CREB5: variants seen among roughly 807,000 people sequenced by gnomAD.
CREB5 encodes the protein cyclic AMP-responsive element-binding protein 5.
Under a neutral mutation model 57.1 loss-of-function variants are expected in CREB5, and 19 were observed. The ratio of observed to expected loss-of-function variants is 0.33; its 90% confidence interval spans 0.23 to 0.49. The LOEUF (loss-of-function observed/expected upper bound fraction) is 0.49. CREB5 is among the 20% of genes least tolerant of loss of function. The probability of loss-of-function intolerance (pLI) is 0.99; values close to 1 mark genes in which losing one functional copy is unlikely to be tolerated. For synonymous variants in CREB5, 238 were observed against 238.3 expected, an observed-to-expected ratio of 1.00 and a Z score of 0.01; for missense variants, 579 against 671.6, an observed-to-expected ratio of 0.86 and a Z score of 1.52.
chr7:28,368,446 T>G (rs193048282), intron 1 of CREB5, among the ~76,000 whole-genome samples: 2 of 152,328 alleles, frequency 1.3e-5, no homozygotes, highest in African/African-American at 4.8e-5. Context: ...GGGTCTGAAG[T>G]GCTCTGTGGT....
At chr7:28,695,836 A>G (rs1028506255) in intron 5 of CREB5, among the ~76,000 whole-genome samples, 4 of 152,140 alleles carry the variant, frequency 2.6e-5, no homozygotes, top group African/African-American at 4.8e-5. Context: ...CACCTAGGGA[A>G]CAGTTTTAGA....
intron 7 of CREB5, among the ~76,000 whole-genome samples, chr7:28,736,030 C>A (rs1239171045): frequency 6.6e-6 from 1 of 152,036 alleles, no homozygotes; most frequent in African/African-American, 2.4e-5. Flanking sequence ...AACTCCTGGC[C>A]TCAAGCGATC....
chr7:28,577,682 C>A (rs902730835), intron 5 of CREB5, among the ~76,000 whole-genome samples: 43 of 152,350 alleles, frequency 2.8e-4, no homozygotes, highest in African/African-American at 1.0e-3. Context: ...TCCCAAGAAA[C>A]TTAACTTTCC....
At chr7:28,340,786 G>A (rs1471726877) in intron 1 of CREB5, among the ~76,000 whole-genome samples, 8 of 152,168 alleles carry the variant, frequency 5.3e-5, no homozygotes, top group Admixed American at 3.3e-4. Flanking sequence ...CTGCAGTGGT[G>A]AGGCTTGCCA....
intron 5 of CREB5, among the ~76,000 whole-genome samples, chr7:28,634,363 G>A (rs41306): frequency 0.35 from 53,385 of 152,042 alleles, 9,581 homozygotes; most frequent in East Asian, 0.46. Context: ...AATGGGAAGG[G>A]TAAATGATGT....
intron 5 of CREB5, among the ~76,000 whole-genome samples, chr7:28,709,038 C>G (rs555227278): frequency 6.6e-6 from 1 of 152,200 alleles, no homozygotes; most frequent in Non-Finnish European, 1.5e-5. Flanking sequence ...AGATGTCTTT[C>G]TGAGGATATT....
chr7:28,399,839 G>C (rs1270490367), intron 1 of CREB5, among the ~76,000 whole-genome samples: 1 of 151,904 alleles, frequency 6.6e-6, no homozygotes, highest in East Asian at 1.9e-4. Flanking sequence ...TTGATCAATT[G>C]AGGTCAGGAG....
chr7:28,532,088 A>C (rs1040408077), intron 4 of CREB5, among the ~76,000 whole-genome samples: 1 of 152,192 alleles, frequency 6.6e-6, no homozygotes, highest in African/African-American at 2.4e-5. Context: ...CTTCAACGCA[A>C]GACACCAACA....
rs557458921 is a variant in CREB5 at position 28,526,019 on chromosome 7, G to A, written c.291+18282G>A. Among the ~76,000 whole-genome samples the A allele has an allele frequency of 1.2e-4, 18 of 152,284 alleles. 1 individual carries two copies. Among genetic ancestry groups the A allele is most frequent in the Middle Eastern group, 3.4e-3 (1 of 294 alleles). On this transcript the variant is annotated intron_variant, in intron 4 of 10. Coordinates refer to ENST00000357727, the MANE Select transcript of CREB5 (RefSeq NM_182898.4). Reference sequence around the variant, plus strand: ...AATCAGAGACTGCTGAGATTTCAGCGCCAAATCTGGGATGGGAAATTAGGC... The same window carrying A: ...AATCAGAGACTGCTGAGATTTCAGCACCAAATCTGGGATGGGAAATTAGGC...
intron 4 of CREB5, among the ~76,000 whole-genome samples, chr7:28,551,092 T>C (rs1367676872): frequency 2.0e-5 from 3 of 151,816 alleles, no homozygotes; most frequent in Admixed American, 2.0e-4. Flanking sequence ...AAGGGGCAAG[T>C]GAAGTTGATG....
chr7:28,496,206 A>G (rs1211543277), intron 3 of CREB5, among the ~76,000 whole-genome samples: 1 of 152,208 alleles, frequency 6.6e-6, no homozygotes, highest in East Asian at 1.9e-4. Flanking sequence ...GTTTCCTGTT[A>G]TTCTTCTTAG....
intron 1 of CREB5, among the ~76,000 whole-genome samples, chr7:28,313,805 A>C (rs531562964): frequency 1.2e-3 from 176 of 152,360 alleles, no homozygotes; most frequent in African/African-American, 4.2e-3. Context: ...CACACACGCC[A>C]CTTGCTGAAG....
intron 7 of CREB5, 22 bp from the exon 8 acceptor site, chr7:28,804,177 C>T (rs1056207959): frequency 1.1e-5 from 18 of 1,602,556 alleles, no homozygotes; most frequent in Non-Finnish European, 1.5e-5. Flanking sequence ...TGTTCTCTCT[C>T]CTCCCTTTTG....
intron 4 of CREB5, among the ~76,000 whole-genome samples, chr7:28,547,370 T>C (rs1375875228): frequency 1.3e-5 from 2 of 152,214 alleles, no homozygotes; most frequent in African/African-American, 4.8e-5. Flanking sequence ...GACTGTAAGT[T>C]TGAGCATCTC....
chr7:28,516,685 A>C (rs1327752412), intron 4 of CREB5, among the ~76,000 whole-genome samples: 1 of 152,140 alleles, frequency 6.6e-6, no homozygotes, highest in Non-Finnish European at 1.5e-5. Context: ...AGGTCTGGGG[A>C]AAAGGTAGCT....
At chr7:28,673,528 A>G (rs1048759320) in intron 5 of CREB5, among the ~76,000 whole-genome samples, 1 of 152,170 alleles carries the variant, frequency 6.6e-6, no homozygotes, top group Non-Finnish European at 1.5e-5. Context: ...CTTGCTCTCT[A>G]AACTTAGAAA....
chr7:28,769,137 C>G (rs1806176431), intron 7 of CREB5, among the ~76,000 whole-genome samples: 1 of 152,142 alleles, frequency 6.6e-6, no homozygotes, highest in African/African-American at 2.4e-5. Flanking sequence ...AACATTTTTT[C>G]TTTTTCTTTT....
intron 7 of CREB5, among the ~76,000 whole-genome samples, chr7:28,792,618 C>G (rs1402070885): frequency 6.6e-6 from 1 of 152,198 alleles, no homozygotes; most frequent in Non-Finnish European, 1.5e-5. Context: ...ATGAATGACT[C>G]TTCTTTAAAT....
At chr7:28,684,806 A>C (rs1384560687) in intron 5 of CREB5, among the ~76,000 whole-genome samples, 1 of 152,208 alleles carries the variant, frequency 6.6e-6, no homozygotes, top group Non-Finnish European at 1.5e-5. Context: ...AATTCTAGCG[A>C]ACTTCCCATT....
Sources: gnomAD v4.1 joint callset for allele counts (sites outside exome capture counted in the v4.1 genomes callset) on GRCh38, gnomAD v4.1.1 for gene constraint, MANE v1.5 for transcripts, NCBI Gene and HGNC (gene_info 2026-07-23, HGNC 2026-07-21) for gene names.